Variants in CROCC2 observed in about 807,000 individuals in gnomAD.
The protein encoded by CROCC2 is ciliary rootlet coiled-coil, rootletin family member 2.
A neutral mutation model predicts 177.6 loss-of-function variants in CROCC2; 163 were observed. The ratio of observed to expected loss-of-function variants is 0.92; its 90% CI spans 0.81 to 1.05. The LOEUF is 1.05. Ranked by LOEUF, CROCC2 falls within the 50% of genes least tolerant of loss-of-function variation. The pLI, the probability that CROCC2 is intolerant of heterozygous loss-of-function variation, is 0.00. For synonymous variants in CROCC2, 904 were observed against 787.3 expected, an observed-to-expected ratio of 1.15 and a Z score of -2.48; for missense variants, 1,929 against 1,797.8, an observed-to-expected ratio of 1.07 and a Z score of -1.32.
intron 28 of CROCC2, chr2:240,983,815 C>T (rs577678950): frequency 5.9e-6 from 2 of 337,950 alleles, no homozygotes; most frequent in Non-Finnish European, 1.1e-5. Flanking sequence ...AAATCCCCGG[C>T]TTTGTCTCCA....
chr2:240,914,522 C>A (rs1334580938), intron 1 of CROCC2, among the ~76,000 whole-genome samples: 4 of 152,242 alleles, frequency 2.6e-5, no homozygotes, highest in Non-Finnish European at 4.4e-5. Flanking sequence ...TGGCAGCCCC[C>A]TGCAGCGCTC....
At chr2:240,937,049 T>C (rs568025746) in intron 14 of CROCC2, among the ~76,000 whole-genome samples, 15 of 152,332 alleles carry the variant, frequency 9.8e-5, no homozygotes, top group Middle Eastern at 3.4e-3. Context: ...TGTTGAACTT[T>C]TATAGGGAAC....
At chr2:240,957,975 G>A (rs1383787663) in intron 19 of CROCC2, 7 of 985,276 alleles carry the variant, frequency 7.1e-6, no homozygotes, top group Non-Finnish European at 6.0e-6. Flanking sequence ...CTTCTCTGGA[G>A]CCAGTGCTGG....
At chr2:240,963,519 C>A in intron 20 of CROCC2, 37 bp from the exon 21 acceptor site, 1 of 1,476,914 alleles carries the variant, frequency 6.8e-7, no homozygotes, top group Non-Finnish European at 9.0e-7. Flanking sequence ...GAGCAGTGGT[C>A]CCCAGCGGGC....
intron 24 of CROCC2, 91 bp from the exon 25 acceptor site, chr2:240,966,134 C>T: frequency 8.0e-7 from 1 of 1,255,718 alleles, no homozygotes; most frequent in Non-Finnish European, 1.0e-6. Flanking sequence ...TCCCCAACCT[C>T]CCATGGCTGG....
intron 27 of CROCC2, among the ~76,000 whole-genome samples, chr2:240,980,955 T>C (rs2059793665): frequency 1.1e-5 from 1 of 91,750 alleles, no homozygotes; most frequent in African/African-American, 5.7e-5. Flanking sequence ...CCCAGGCTCA[T>C]CCCTGCTCAG....
At chr2:240,963,442 A>T in intron 20 of CROCC2, 114 bp from the exon 21 acceptor site, 1 of 1,134,482 alleles carries the variant, frequency 8.8e-7, no homozygotes, top group South Asian at 1.6e-5. Flanking sequence ...CATGGGGACC[A>T]AGTTGGGCAG....
chr2:240,936,346 C>T (rs1415587741), intron 14 of CROCC2, among the ~76,000 whole-genome samples: 1 of 152,114 alleles, frequency 6.6e-6, no homozygotes, highest in Non-Finnish European at 1.5e-5. Flanking sequence ...TGCCCAAAGC[C>T]CCCGGCTCCC....
chr2:240,960,504 C>G lies in CROCC2; in HGVS notation c.3087+1060C>G, dbSNP rs1194122311. Reference sequence around the variant, plus strand: ...GCATTTCTGAGGGGGGTTGGCAGGACGGGGGGACGCCTGTGTGTGGCAAGG... The same window carrying G: ...GCATTTCTGAGGGGGGTTGGCAGGAGGGGGGGACGCCTGTGTGTGGCAAGG... On this transcript the variant is annotated intron_variant, in intron 20 of 31. Coordinates refer to ENST00000690015, the MANE Select transcript of CROCC2 (RefSeq NM_001351305.2). This position sits in a 1 kb window ranked among gnomAD's most constrained non-coding sequence, Gnocchi z 5.0. Among the ~76,000 whole-genome samples the G allele has an allele frequency of 1.4e-5, 2 of 142,176 alleles. No homozygotes were observed. The highest frequency in any genetic ancestry group is 1.5e-5 in the Non-Finnish European group (1 of 64,908). 93.3% of individuals were successfully genotyped at this position (142,176 alleles called of 152,430 possible). A position where few individuals can be genotyped will look rare whatever the true frequency, so the allele number is the denominator to read the frequency against.
At chr2:240,966,721 C>T (rs2106480944) in intron 25 of CROCC2, among the ~76,000 whole-genome samples, 1 of 152,276 alleles carries the variant, frequency 6.6e-6, no homozygotes, top group African/African-American at 2.4e-5. Context: ...GGCTGGGCAA[C>T]TGCAGGACAG....
In CROCC2 at chr2:240,933,305, GT is replaced by G; in HGVS notation, c.1427del (p.Val476GlyfsTer25). ...RGQLEAQRLE[V>X]QQCRASCKLL... ...CCAGCTGGAGGCCCAGAGGCTCGAG[GT>G]GCAGCAGTGCCGGGCATCCTGCAAG... On this transcript the variant is annotated frameshift_variant, in exon 10 of 32. Transcript: ENST00000690015. LOFTEE classifies it high-confidence loss of function. 6.5e-7 allele frequency: 1 copy of G among 1,540,102 alleles called. No homozygotes were observed. Among genetic ancestry groups the G allele is most frequent in the Non-Finnish European group, 8.7e-7 (1 of 1,144,228 alleles).
At chr2:240,906,688 C>T (rs1300643863) in intron 1 of CROCC2, 97 bp downstream of exon 1, 5 of 398,548 alleles carry the variant, frequency 1.3e-5, no homozygotes, top group Non-Finnish European at 2.2e-5. Context: ...CCAGGAGGCA[C>T]CTTCCTGGCT....
chr2:240,927,251 C>T (rs982870633), intron 5 of CROCC2, among the ~76,000 whole-genome samples: 4 of 152,178 alleles, frequency 2.6e-5, no homozygotes, highest in African/African-American at 7.2e-5. Context: ...GTTGTTGTGT[C>T]GTGTCCCTGT....
In CROCC2 at chr2:240,953,721, A is replaced by C. The variant is rs1476420010; in HGVS notation, c.2830-2138A>C. ...GAGGAACCTGTGATGACCCAGTCAC[A>C]AAACAGTCTTTGGGGATCTTATTTC... On this transcript the variant is annotated intron_variant, in intron 18 of 31. Coordinates refer to ENST00000690015, the MANE Select transcript of CROCC2 (RefSeq NM_001351305.2). The surrounding 1 kb of genome is among the most constrained non-coding windows in gnomAD (Gnocchi z 4.0). Among the ~76,000 whole-genome samples, 1 of 152,192 alleles carries C rather than the reference A, an allele frequency of 6.6e-6. No individual in the cohort carries two copies. The highest frequency in any genetic ancestry group is 1.5e-5 in the Non-Finnish European group (1 of 68,032).
In CROCC2 at chr2:240,935,347, C is replaced by T; in HGVS notation, c.1939-11C>T. On this transcript the variant is annotated splice_polypyrimidine_tract_variant and intron_variant, in intron 13 of 31. Transcript: ENST00000690015. ...GGGAGTGGATGCAGAGCCCCCGACACCTGGTGGCAGCTGGAGCAGGAGCGG... is the reference window on the plus strand; with the variant it reads ...GGGAGTGGATGCAGAGCCCCCGACATCTGGTGGCAGCTGGAGCAGGAGCGG... 5 of 1,355,640 alleles carry T rather than the reference C, an allele frequency of 3.7e-6. No homozygotes were observed. In the Admixed American group the frequency reaches 1.0e-4, roughly 27 times the overall value. 84.0% of individuals were successfully genotyped at this position (1,355,640 alleles called of 1,614,324 possible). A position where few individuals can be genotyped will look rare whatever the true frequency, so the allele number is the denominator to read the frequency against.
chr2:240,950,255 C>A, intron 17 of CROCC2, 79 bp from the exon 18 acceptor site: 1 of 1,421,808 alleles, frequency 7.0e-7, no homozygotes. Flanking sequence ...ATCCCACGGG[C>A]CAGGTCTCAC....
intron 22 of CROCC2, 66 bp downstream of exon 22, chr2:240,964,691 C>T: frequency 6.7e-7 from 1 of 1,491,458 alleles, no homozygotes; most frequent in Non-Finnish European, 9.0e-7. Flanking sequence ...CCCGGCTCCT[C>T]CCAGGGGAGC....
intron 10 of CROCC2, 95 bp from the exon 11 acceptor site, chr2:240,933,575 G>A (rs1161047976): frequency 5.0e-6 from 7 of 1,397,444 alleles, no homozygotes; most frequent in Non-Finnish European, 5.8e-6. Context: ...CAGTCTCAGG[G>A]GCTGGCATCC....
intron 28 of CROCC2, among the ~76,000 whole-genome samples, chr2:240,984,129 G>A (rs1243942289): frequency 6.6e-6 from 1 of 152,196 alleles, no homozygotes; most frequent in Non-Finnish European, 1.5e-5. Context: ...CCTCCCCGGT[G>A]CAAGACAGGG....
Sources: allele counts gnomAD v4.1 joint callset (sites outside exome capture counted in the v4.1 genomes callset), GRCh38; gene constraint gnomAD v4.1.1; non-coding constraint Gnocchi (gnomAD v3.1); transcripts MANE v1.5; gene names NCBI Gene and HGNC (gene_info 2026-07-23, HGNC 2026-07-21).